Variants in CAMK4 observed in about 807,000 individuals in gnomAD.
CAMK4 encodes the protein calcium/calmodulin-dependent protein kinase type IV.
CAMK4 carries 22 observed loss-of-function variants against 44.9 expected under a neutral mutation model. The ratio of observed to expected loss-of-function variants is 0.49; its 90% CI spans 0.35 to 0.70. The LOEUF (loss-of-function observed/expected upper bound fraction) is 0.70. Among genes scored for constraint, CAMK4 ranks in the 30% least tolerant of loss-of-function variants. The pLI is 0.01. For synonymous variants in CAMK4, 218 were observed against 215.4 expected, an observed-to-expected ratio of 1.01 and a Z score of -0.11; for missense variants, 498 against 586.8, an observed-to-expected ratio of 0.85 and a Z score of 1.56.
Position 111,492,460 on chromosome 5 carries a change from G to A in CAMK4, c.*7994G>A, listed in dbSNP as rs1755884243. 6.6e-6 allele frequency: 1 copy of A among 152,194 alleles called. No individual in the cohort carries two copies. Among genetic ancestry groups the A allele is most frequent in the Non-Finnish European group, 1.5e-5 (1 of 68,028 alleles). The allele number at this position is 152,194 out of a possible 1,614,324, so 9.4% of individuals were successfully genotyped here. On this transcript the variant is annotated 3_prime_UTR_variant, in exon 11 of 11. Transcript: ENST00000282356. Reference sequence around the variant, plus strand: ...CTTTACTGGAATGAGTGAGGGGAAAGATAACAAAATGTAGATTAGGATTCC... The same window carrying A: ...CTTTACTGGAATGAGTGAGGGGAAAAATAACAAAATGTAGATTAGGATTCC...
At chr5:111,245,212 C>G (rs1429971388) in intron 1 of CAMK4, among the ~76,000 whole-genome samples, 1 of 152,152 alleles carries the variant, frequency 6.6e-6, no homozygotes, top group Non-Finnish European at 1.5e-5. Flanking sequence ...TTCTTAATTT[C>G]AATTAATACT....
chr5:111,467,213 A>C (rs946956144), intron 7 of CAMK4, among the ~76,000 whole-genome samples: 2 of 152,176 alleles, frequency 1.3e-5, no homozygotes, highest in African/African-American at 4.8e-5. Context: ...CTTAAATCTA[A>C]GACCTAACAC....
rs182734251 is a variant in CAMK4, at chr5:111,442,284, A to G, written c.460-4402A>G. Among the ~76,000 whole-genome samples, 108 of 152,276 alleles carry G rather than the reference A, an allele frequency of 7.1e-4. 1 individual carries two copies. The East Asian group carries it at 0.019, about 26-fold the overall frequency. ...CGAGGCAGGTGGATCACCCGAGATC[A>G]GGGGTTAGAGACCAAGCTGGCCAAC... On this transcript the variant is annotated intron_variant, in intron 5 of 10. Transcript: ENST00000282356.
intron 2 of CAMK4, among the ~76,000 whole-genome samples, chr5:111,360,961 G>C (rs1176288327): frequency 1.3e-5 from 2 of 151,708 alleles, no homozygotes; most frequent in African/African-American, 4.8e-5. Context: ...TTATTTTTTG[G>C]TTCAACATTA....
chr5:111,224,001 G>C, upstream of CAMK4: 1 of 155,038 alleles, frequency 6.5e-6, no homozygotes. The surrounding 1 kb of genome is among the most constrained non-coding windows in gnomAD (Gnocchi z 5.7). Context: ...TCCCAGAGCA[G>C]CGTCCCGCTG....
At chr5:111,241,448 T>A (rs1326800282) in intron 1 of CAMK4, among the ~76,000 whole-genome samples, 1 of 152,142 alleles carries the variant, frequency 6.6e-6, no homozygotes, top group African/African-American at 2.4e-5. Flanking sequence ...GTATCAGATG[T>A]TGCACGATGT....
At chr5:111,429,395 G>A (rs1753349057) in intron 5 of CAMK4, among the ~76,000 whole-genome samples, 1 of 152,068 alleles carries the variant, frequency 6.6e-6, no homozygotes, top group Admixed American at 6.6e-5. Context: ...AAATGGACAA[G>A]TTCCTAGATA....
chr5:111,235,044 G>A (rs1458083171), intron 1 of CAMK4, among the ~76,000 whole-genome samples: 1 of 152,072 alleles, frequency 6.6e-6, no homozygotes, highest in African/African-American at 2.4e-5. Flanking sequence ...GGTCTTTATG[G>A]ACTGTTTAAT....
At chr5:111,361,673 A>C (rs1339701851) in intron 2 of CAMK4, among the ~76,000 whole-genome samples, 1 of 152,014 alleles carries the variant, frequency 6.6e-6, no homozygotes, top group African/African-American at 2.4e-5. Context: ...GTGATTAGTA[A>C]ACATATGAAA....
At chr5:111,284,142 C>T (rs1211081469) in intron 1 of CAMK4, among the ~76,000 whole-genome samples, 1 of 152,132 alleles carries the variant, frequency 6.6e-6, no homozygotes, top group Non-Finnish European at 1.5e-5. Context: ...ATTTAAATGA[C>T]ACCCTTTATA....
intron 7 of CAMK4, chr5:111,449,515 T>A (rs1253033184): frequency 5.4e-6 from 1 of 186,808 alleles, no homozygotes; most frequent in Non-Finnish European, 1.1e-5. Context: ...TAGTTGGAAT[T>A]AAATCCATGG....
intron 5 of CAMK4, among the ~76,000 whole-genome samples, chr5:111,441,609 A>G (rs1310995801): frequency 6.6e-6 from 1 of 151,970 alleles, no homozygotes; most frequent in Non-Finnish European, 1.5e-5. Flanking sequence ...TCTTCTCCCC[A>G]GTTCTTCTCC....
chr5:111,420,583 G>GAGC (rs1752989698), intron 5 of CAMK4, among the ~76,000 whole-genome samples: 1 of 152,102 alleles, frequency 6.6e-6, no homozygotes, highest in Admixed American at 6.6e-5. Flanking sequence ...ATAAGCCTGG[G>GAGC]AGCGCTATGG....
intron 1 of CAMK4, among the ~76,000 whole-genome samples, chr5:111,278,731 G>C (rs1040122227): frequency 6.6e-6 from 1 of 152,154 alleles, no homozygotes; most frequent in Non-Finnish European, 1.5e-5. Context: ...TCTAAGCAAG[G>C]CTTACCAGGC....
At chr5:111,313,864 T>C (rs1460448330) in intron 1 of CAMK4, among the ~76,000 whole-genome samples, 4 of 152,104 alleles carry the variant, frequency 2.6e-5, no homozygotes, top group African/African-American at 9.7e-5. Flanking sequence ...GCCAATGAAA[T>C]TGGACTTAAC....
At chr5:111,354,623 C>CT (rs764708591) in intron 2 of CAMK4, among the ~76,000 whole-genome samples, 75,767 of 151,778 alleles carry the variant, frequency 0.5, 19,054 homozygotes, top group African/African-American at 0.54. Context: ...GCAGGAGAAT[C>CT]ACTTGAACCC....
At chr5:111,277,027 C>A (rs1472530738) in intron 1 of CAMK4, among the ~76,000 whole-genome samples, 2 of 152,148 alleles carry the variant, frequency 1.3e-5, no homozygotes, top group Non-Finnish European at 2.9e-5. Flanking sequence ...AAATGAAAAT[C>A]TCCCCACTTG....
At chr5:111,261,561 G>GT (rs34043708) in intron 1 of CAMK4, among the ~76,000 whole-genome samples, 3,291 of 142,902 alleles carry the variant, frequency 0.023, 90 homozygotes, top group African/African-American at 0.07. Flanking sequence ...GACCCTAATA[G>GT]TTTTTTTTTT....
chr5:111,390,438 T>G (rs1381826634), intron 4 of CAMK4, among the ~76,000 whole-genome samples: 1 of 152,168 alleles, frequency 6.6e-6, no homozygotes, highest in Non-Finnish European at 1.5e-5. Context: ...ATTCAACTTT[T>G]AATACCAGCT....
Sources: allele counts gnomAD v4.1 joint callset (sites outside exome capture counted in the v4.1 genomes callset), GRCh38; gene constraint gnomAD v4.1.1; non-coding constraint Gnocchi (gnomAD v3.1); transcripts MANE v1.5; gene names NCBI Gene and HGNC (gene_info 2026-07-23, HGNC 2026-07-21).